INSR: variants seen among roughly 807,000 people sequenced by gnomAD.
The protein encoded by INSR is IR.
A neutral mutation model predicts 142.6 loss-of-function variants in INSR; 67 were observed. The observed-to-expected ratio is 0.47, with a 90% CI of 0.39 to 0.58. INSR has a LOEUF of 0.58. Ranked by LOEUF, INSR falls within the 20% of genes least tolerant of loss-of-function variation. The pLI, the probability that INSR is intolerant of heterozygous loss-of-function variation, is 0.00. For synonymous variants in INSR, 756 were observed against 743.1 expected, an observed-to-expected ratio of 1.02 and a Z score of -0.28; for missense variants, 1,248 against 1,833.2, an observed-to-expected ratio of 0.68 and a Z score of 5.83.
At chr19:7,123,902 G>A (rs1164578196) in intron 17 of INSR, among the ~76,000 whole-genome samples, 2 of 151,576 alleles carry the variant, frequency 1.3e-5, no homozygotes, top group East Asian at 2.0e-4. Flanking sequence ...CACTCTGGGC[G>A]ACAGAGAGAG....
In INSR at chr19:7,152,807, G is replaced by A; in HGVS notation, c.2150C>T (p.Ser717Phe). Residue 717 changes from serine (S) to phenylalanine (F), a missense_variant, in exon 10 of 22, where the codon TCT (serine) becomes TTT (phenylalanine). This residue lies in a region of INSR where 1,069 missense variants were observed against 1,654.0 expected (regional missense o/e 0.65). Coordinates refer to ENST00000302850, the MANE Select transcript of INSR (RefSeq NM_000208.4). ...CTCCTCCAGCTCCTTCAGGATCTGAGAGTCTGTCTTTGGACAGGAGCAGCA... is the reference window on the plus strand; with the variant it reads ...CTCCTCCAGCTCCTTCAGGATCTGAAAGTCTGTCTTTGGACAGGAGCAGCA... The part of the protein sequence containing the change: ...GECCSCPKTD[S>F]QILKELEESS... 6.2e-7 allele frequency: 1 copy of A among 1,613,542 alleles called. No homozygotes were observed. Among genetic ancestry groups the A allele is most frequent in the Non-Finnish European group, 8.5e-7 (1 of 1,179,920 alleles).
At chr19:7,162,145 G>A (rs1973767321) in intron 9 of INSR, among the ~76,000 whole-genome samples, 1 of 151,688 alleles carries the variant, frequency 6.6e-6, no homozygotes, top group Non-Finnish European at 1.5e-5. Flanking sequence ...TGGCCAACAT[G>A]GTGAAACCCC....
intron 2 of INSR, among the ~76,000 whole-genome samples, chr19:7,217,205 G>T (rs779448294): frequency 6.6e-6 from 1 of 152,100 alleles, no homozygotes; most frequent in Admixed American, 6.6e-5. Flanking sequence ...TGTTACAAAG[G>T]TTGGTTCCTT....
In INSR at chr19:7,119,523, C is replaced by T. The variant is rs376773589; in HGVS notation, c.3720G>A (p.Leu1240=). 6.2e-7 allele frequency: 1 copy of T among 1,614,058 alleles called. No homozygotes were observed. ...CAAATTTCAACACCTGTTCATTAGACAGGCCTTGGTAAGGCTGTTCTGCCA... is the reference window on the plus strand; with the variant it reads ...CAAATTTCAACACCTGTTCATTAGATAGGCCTTGGTAAGGCTGTTCTGCCA... ...TSLAEQPYQG[L]SNEQVLKFVM... is the part of the protein sequence containing the mutation. Residue 1240 remains leucine, a synonymous_variant, in exon 21 of 22, where the codon CTG becomes CTA. Transcript: ENST00000302850. The surrounding 1 kb of genome is among the most constrained non-coding windows in gnomAD (Gnocchi z 5.2).
chr19:7,265,517 G>C (rs1967696348), intron 2 of INSR, among the ~76,000 whole-genome samples: 1 of 152,054 alleles, frequency 6.6e-6, no homozygotes, highest in Non-Finnish European at 1.5e-5. Flanking sequence ...GAGGTGGGTG[G>C]ATCACCTGAG....
intron 17 of INSR, 25 bp from the exon 18 acceptor site, chr19:7,123,014 T>C (rs1972532304): frequency 1.3e-6 from 2 of 1,537,432 alleles, no homozygotes; most frequent in East Asian, 4.7e-5. Context: ...ACCAGGGTTC[T>C]TGGAGGAGGG....
intron 3 of INSR, among the ~76,000 whole-genome samples, chr19:7,174,939 T>C (rs1443919094): frequency 6.6e-6 from 1 of 151,998 alleles, no homozygotes; most frequent in Admixed American, 6.6e-5. Flanking sequence ...GCCTTCTGGG[T>C]TCAAGAGATT....
Position 7,158,322 on chromosome 19 carries a change from A to C in INSR, c.2029+4710T>G, listed in dbSNP as rs566785037. Among the ~76,000 whole-genome samples the C allele has an allele frequency of 3.0e-3, 458 of 151,964 alleles. 2 individuals are homozygous for C. Among genetic ancestry groups the C allele is most frequent in the Non-Finnish European group, 4.9e-3 (334 of 67,976 alleles). On this transcript the variant is annotated intron_variant, in intron 9 of 21. Transcript: ENST00000302850. ...GAGACCATCCTGGCTAACATGGTGA[A>C]ACCCCGTCTCTACTAAAAAATACAA... is the stretch of plus-strand genomic sequence containing the variant.
At chr19:7,228,290 T>TTTAACAGC (rs1975850463) in intron 2 of INSR, among the ~76,000 whole-genome samples, 1 of 152,206 alleles carries the variant, frequency 6.6e-6, no homozygotes, top group Admixed American at 6.5e-5. Context: ...AAAGGCTTAT[T>TTTAACAGC]TTAACAGCTT....
chr19:7,132,765 A>G (rs1972819094), intron 13 of INSR, among the ~76,000 whole-genome samples: 1 of 151,304 alleles, frequency 6.6e-6, no homozygotes, highest in Non-Finnish European at 1.5e-5. Context: ...CTAATTTTGT[A>G]TTTTCAGTAA....
chr19:7,151,035 CT>C (rs780375042), intron 10 of INSR, among the ~76,000 whole-genome samples: 1 of 130,534 alleles, frequency 7.7e-6, no homozygotes, highest in East Asian at 2.0e-4. Flanking sequence ...TTCCTTCCTT[CT>C]TTTTTTCATT....
In INSR at chr19:7,232,550, G is replaced by A. The variant is rs867793261; in HGVS notation, c.652+34795C>T. 9.9e-5 allele frequency among the ~76,000 whole-genome samples: 15 copies of A among 152,230 alleles called. No individual in the cohort carries two copies. In the East Asian group the frequency reaches 2.7e-3, roughly 28 times the overall value. Reference sequence around the variant, plus strand: ...AGTTGTTGGCCGGGCCCAGTGGCTCGCACCTGTAATCTCAGCACTTTGGGA... The same window carrying A: ...AGTTGTTGGCCGGGCCCAGTGGCTCACACCTGTAATCTCAGCACTTTGGGA... On this transcript the variant is annotated intron_variant, in intron 2 of 21. Transcript: ENST00000302850.
intron 2 of INSR, among the ~76,000 whole-genome samples, chr19:7,233,821 GC>G (rs1976073520): frequency 1.3e-5 from 2 of 150,650 alleles, no homozygotes; most frequent in Non-Finnish European, 3.0e-5. Flanking sequence ...GACTACAGGC[GC>G]CCGCCACCAC....
intron 5 of INSR, among the ~76,000 whole-genome samples, chr19:7,171,484 T>C (rs1974014057): frequency 6.6e-6 from 1 of 152,178 alleles, no homozygotes; most frequent in East Asian, 1.9e-4. Flanking sequence ...CTCCTGCCTA[T>C]GAGTCAATCT....
rs185372235 is a variant in INSR at position 7,134,864 on chromosome 19, A to T, written c.2683-2547T>A. 4.1e-4 allele frequency among the ~76,000 whole-genome samples: 62 copies of T among 152,196 alleles called. 1 individual carries two copies. The highest frequency in any genetic ancestry group is 1.4e-3 in the African/African-American group (59 of 41,552). On this transcript the variant is annotated intron_variant, in intron 13 of 21. Coordinates refer to ENST00000302850, the MANE Select transcript of INSR (RefSeq NM_000208.4). ...ACAGTTGGGATCCACCCAAATGGAG[A>T]TTTGCAAAGTGGGAAACATACCCTG... is the stretch of plus-strand genomic sequence containing the variant.
At chr19:7,249,963 A>G (rs919883643) in intron 2 of INSR, among the ~76,000 whole-genome samples, 18 of 151,556 alleles carry the variant, frequency 1.2e-4, no homozygotes, top group Admixed American at 7.9e-4. Flanking sequence ...CTGCACTCCA[A>G]CCTGGGCAAC....
chr19:7,197,264 C>G (rs946571121), intron 2 of INSR, among the ~76,000 whole-genome samples: 3 of 152,244 alleles, frequency 2.0e-5, no homozygotes, highest in African/African-American at 7.2e-5. Flanking sequence ...AGAAAGGGAA[C>G]AGAGTACCAG....
intron 9 of INSR, among the ~76,000 whole-genome samples, chr19:7,154,461 C>T (rs963660330): frequency 6.7e-6 from 1 of 149,680 alleles, no homozygotes; most frequent in South Asian, 2.1e-4. Context: ...CGCTGCCACG[C>T]CCGGCTAATT....
At chr19:7,212,743 G>A (rs1019771939) in intron 2 of INSR, among the ~76,000 whole-genome samples, 3 of 151,740 alleles carry the variant, frequency 2.0e-5, no homozygotes, top group East Asian at 1.9e-4. Flanking sequence ...CCACCCCCAC[G>A]TCCTGCTAAT....
Sources: allele counts gnomAD v4.1 joint callset (sites outside exome capture counted in the v4.1 genomes callset), GRCh38; gene constraint gnomAD v4.1.1; regional missense constraint gnomAD v4.1.1; non-coding constraint Gnocchi (gnomAD v3.1); transcripts MANE v1.5; gene names NCBI Gene and HGNC (gene_info 2026-07-23, HGNC 2026-07-21).